BACH1: variants seen among roughly 807,000 people sequenced by gnomAD.
BACH1 encodes the protein transcription regulator protein BACH1.
Under a neutral mutation model 52.9 loss-of-function variants are expected in BACH1, and 35 were observed. The observed-to-expected ratio is 0.66, with a 90% CI of 0.51 to 0.88. BACH1 has a LOEUF of 0.88. Ranked by LOEUF, BACH1 falls within the 40% of genes least tolerant of loss-of-function variation. BACH1 has a pLI of 0.00. For missense variants in BACH1, 808 were observed against 872.6 expected (o/e 0.93, Z 0.93); for synonymous variants, 321 against 319.6 (o/e 1.00, Z -0.05).
intron 1 of BACH1, among the ~76,000 whole-genome samples, chr21:29,308,957 T>A (rs894058764): frequency 7.2e-5 from 11 of 152,166 alleles, no homozygotes; most frequent in African/African-American, 2.7e-4. Flanking sequence ...TGAGTGTTAT[T>A]TAGAAATTAA....
chr21:29,300,595 A>T (rs1378451102), intron 1 of BACH1, among the ~76,000 whole-genome samples: 3 of 152,148 alleles, frequency 2.0e-5, no homozygotes, highest in Non-Finnish European at 2.9e-5. Context: ...AAAACTGGGG[A>T]AGAAATTTGC....
intron 1 of BACH1, among the ~76,000 whole-genome samples, chr21:29,303,797 G>C (rs2088626949): frequency 6.6e-6 from 1 of 151,828 alleles, no homozygotes; most frequent in Non-Finnish European, 1.5e-5. Context: ...GTTTTATTTA[G>C]GATCAGGGAC....
downstream of BACH1, among the ~76,000 whole-genome samples, chr21:29,349,019 A>G (rs960809095): frequency 1.3e-5 from 2 of 151,770 alleles, no homozygotes; most frequent in South Asian, 2.1e-4. Context: ...GCGTGAACCC[A>G]GGAGGCGGAG....
Position 29,344,697 on chromosome 21 carries a change from C to G in BACH1, c.*1864C>G, listed in dbSNP as rs1434450967. On this transcript the variant is annotated 3_prime_UTR_variant, in exon 5 of 5. Coordinates refer to ENST00000286800, the MANE Select transcript of BACH1 (RefSeq NM_001186.4). The stretch of plus-strand genomic sequence containing the variant: ...GTGTATGTATACATATATATCTCTC[C>G]ATATAGGTATTTCTTTGATACTTGT... 1 of 148,132 alleles carries G rather than the reference C, an allele frequency of 6.8e-6. No individual in the cohort carries two copies. The highest frequency in any genetic ancestry group is 2.5e-5 in the African/African-American group (1 of 40,282). The allele number at this position is 148,132 out of a possible 1,614,324, so 9.2% of individuals were successfully genotyped here. A position where few individuals can be genotyped will look rare whatever the true frequency, so the allele number is the denominator to read the frequency against.
At chr21:29,358,806 G>GAAAGAAAGAAAGA (rs1292241824) in intron 2 of BACH1, among the ~76,000 whole-genome samples, 1 of 130,568 alleles carries the variant, frequency 7.7e-6, no homozygotes, top group Admixed American at 7.4e-5. Context: ...AAGAAAGAAA[G>GAAAGAAAGAAAGA]AAAGAAAGAA....
intron 4 of BACH1, among the ~76,000 whole-genome samples, chr21:29,332,380 AAT>A (rs1379407993): frequency 6.6e-6 from 1 of 152,246 alleles, no homozygotes; most frequent in African/African-American, 2.4e-5. Flanking sequence ...AATACAAAGT[AAT>A]ATTTTGTTTC....
chr21:29,331,935 C>CT (rs1206964328), intron 4 of BACH1, among the ~76,000 whole-genome samples: 1 of 152,120 alleles, frequency 6.6e-6, no homozygotes, highest in Non-Finnish European at 1.5e-5. Context: ...GAGTCTTGCT[C>CT]TGTCACCCAG....
At chr21:29,349,948 T>C (rs984902182), downstream of BACH1, among the ~76,000 whole-genome samples, 1 of 152,142 alleles carries the variant, frequency 6.6e-6, no homozygotes, top group Admixed American at 6.5e-5. Context: ...ATATCTCTTC[T>C]GAAGTCCTTG....
chr21:29,313,240 G>A (rs545194420), intron 1 of BACH1, among the ~76,000 whole-genome samples: 28 of 152,090 alleles, frequency 1.8e-4, no homozygotes, highest in African/African-American at 6.5e-4. Context: ...ATCTGCCACC[G>A]CCGATGAAAC....
At chr21:29,302,877 G>A (rs2088618849) in intron 1 of BACH1, among the ~76,000 whole-genome samples, 1 of 152,206 alleles carries the variant, frequency 6.6e-6, no homozygotes, top group Non-Finnish European at 1.5e-5. Flanking sequence ...AACGAACACA[G>A]GACATAGCTT....
intron 4 of BACH1, among the ~76,000 whole-genome samples, chr21:29,332,010 C>T (rs2088989462): frequency 6.6e-6 from 1 of 152,132 alleles, no homozygotes; most frequent in Non-Finnish European, 1.5e-5. Flanking sequence ...AAGCGATTCT[C>T]CTGTCTCTGT....
At position 29,326,926 on chromosome 21, in the gene BACH1, C is replaced by G; in HGVS notation, c.1102C>G (p.Pro368Ala). Residue 368 changes from proline (P) to alanine (A), a missense_variant, in exon 3 of 5, where the codon CCT becomes GCT. Pro to Ala is a conservative substitution (Grantham distance 27, BLOSUM62 -1). Coordinates refer to ENST00000286800, the MANE Select transcript of BACH1 (RefSeq NM_001186.4). Reference protein sequence around the residue: ...EKTFGESQDLPLKSDLGTRED... With the variant: ...EKTFGESQDLALKSDLGTRED... Reference sequence around the variant, plus strand: ...AACATTTGGTGAAAGTCAGGATTTACCTTTGAAATCCGACTTGGGCACCAG... The same window carrying G: ...AACATTTGGTGAAAGTCAGGATTTAGCTTTGAAATCCGACTTGGGCACCAG... 2 of 1,614,178 alleles carry G rather than the reference C, an allele frequency of 1.2e-6. No individual in the cohort carries two copies. The highest frequency in any genetic ancestry group is 8.5e-7 in the Non-Finnish European group (1 of 1,180,040).
chr21:29,342,185 G>A (rs112805982), intron 4 of BACH1, among the ~76,000 whole-genome samples: 2 of 152,176 alleles, frequency 1.3e-5, no homozygotes, highest in Non-Finnish European at 2.9e-5. Context: ...TCCAAAACCT[G>A]AAAAATGCTT....
At chr21:29,356,605 A>G (rs529824329) in intron 2 of BACH1, among the ~76,000 whole-genome samples, 1 of 152,314 alleles carries the variant, frequency 6.6e-6, no homozygotes, top group South Asian at 2.1e-4. Context: ...AGACCTTTGT[A>G]TGGTAATTAA....
chr21:29,347,162 T>G (rs973127425), downstream of BACH1, among the ~76,000 whole-genome samples: 2 of 152,180 alleles, frequency 1.3e-5, no homozygotes, highest in African/African-American at 4.8e-5. Flanking sequence ...AAATAAAAAG[T>G]AGGTGAAGTC....
At chr21:29,314,620 G>T (rs762609854) in intron 1 of BACH1, among the ~76,000 whole-genome samples, 1 of 152,082 alleles carries the variant, frequency 6.6e-6, no homozygotes, top group African/African-American at 2.4e-5. Flanking sequence ...AAAAGCGGTG[G>T]CATCTTTAGT....
chr21:29,352,779 T>A (rs1216846358), intron 2 of BACH1: 1 of 151,982 alleles, frequency 6.6e-6, no homozygotes, highest in African/African-American at 2.4e-5. Flanking sequence ...TGGCATGATC[T>A]CAGCTCACTG....
chr21:29,342,592 A>G lies in BACH1; in HGVS notation c.1970A>G (p.Lys657Arg). The G allele has an allele frequency of 6.2e-7, 1 of 1,614,222 alleles. No individual in the cohort carries two copies. Residue 657 changes from lysine to arginine, a missense_variant, in exon 5 of 5, where the codon AAA becomes AGA. Physicochemically the swap from Lys to Arg is conservative, Grantham distance 26. Coordinates refer to ENST00000286800, the MANE Select transcript of BACH1 (RefSeq NM_001186.4). ...TCATTTTTAATTTCTGAAAAAGATA[A>G]AAGTACTCCTGATGGTGAACTGGCG... ...PLSFLISEKD[K>R]STPDGELALP...
chr21:29,312,103 C>T (rs2088730596), intron 1 of BACH1, among the ~76,000 whole-genome samples: 1 of 152,210 alleles, frequency 6.6e-6, no homozygotes, highest in African/African-American at 2.4e-5. Flanking sequence ...CAACTCTGTC[C>T]TCATCTTCAG....
Sources: gnomAD v4.1 joint callset for allele counts (sites outside exome capture counted in the v4.1 genomes callset) on GRCh38, gnomAD v4.1.1 for gene constraint, MANE v1.5 for transcripts, NCBI Gene and HGNC (gene_info 2026-07-23, HGNC 2026-07-21) for gene names.